Variants in STARD8 observed in about 807,000 individuals in gnomAD.
STARD8 encodes StAR related lipid transfer domain containing 8, also known as stAR-related lipid transfer protein 8.
STARD8 carries 25 observed loss-of-function variants against 69.4 expected under a neutral mutation model. The ratio of observed to expected loss-of-function variants is 0.36; its 90% CI spans 0.26 to 0.50. STARD8 has a LOEUF of 0.50. STARD8 is among the 20% of genes least tolerant of loss of function. The probability of loss-of-function intolerance (pLI) is 0.96; values close to 1 mark genes in which losing one functional copy is unlikely to be tolerated. For missense variants in STARD8, 921 were observed against 932.5 expected (o/e 0.99, Z 0.16); for synonymous variants, 389 against 374.6 (o/e 1.04, Z -0.45).
chrX:68,648,778 G>A (rs996768960), intron 1 of STARD8, among the ~76,000 whole-genome samples: 2 of 111,824 alleles, frequency 1.8e-5, no homozygotes, highest in East Asian at 2.8e-4. Context: ...GAGCACAGCC[G>A]AACCCACAAG....
chrX:68,716,498 A>G lies in STARD8; in HGVS notation c.297+67A>G. The G allele has an allele frequency of 5.5e-6, 6 of 1,090,023 alleles. No homozygotes were observed. The East Asian group carries it at 1.8e-4, about 33-fold the overall frequency. 89.8% of individuals were successfully genotyped at this position (1,090,023 alleles called of 1,213,427 possible). On this transcript the variant is annotated intron_variant, in intron 5 of 14. Coordinates refer to ENST00000374599, the MANE Select transcript of STARD8 (RefSeq NM_001142503.3). ...ATAAGGAAACCCAGGGCATACGTAA[A>G]CCATTTGTAAAACTAGCTCCAGTAT...
At chrX:68,714,663 AT>A (rs755070068) in intron 3 of STARD8, among the ~76,000 whole-genome samples, 3 of 112,537 alleles carry the variant, frequency 2.7e-5, no homozygotes, top group Non-Finnish European at 5.6e-5. Flanking sequence ...TGTATGCTGT[AT>A]GGTTTGCTCA....
intron 2 of STARD8, among the ~76,000 whole-genome samples, chrX:68,702,518 A>G (rs1325117215): frequency 8.9e-6 from 1 of 111,754 alleles, no homozygotes; most frequent in Non-Finnish European, 1.9e-5. Flanking sequence ...CAGGCTAACC[A>G]CTCTTACTAC....
At chrX:68,693,123 A>G (rs771242211) in intron 2 of STARD8, among the ~76,000 whole-genome samples, 1 of 112,747 alleles carries the variant, frequency 8.9e-6, no homozygotes, top group East Asian at 2.8e-4. Context: ...CTGCGGAGGT[A>G]GAGTTCAGAC....
rs149818309 is a variant in STARD8 at position 68,689,615 on chromosome X, G to C, written c.80-23299G>C. 9.4e-3 allele frequency among the ~76,000 whole-genome samples: 1,061 copies of C among 112,581 alleles called. 14 individuals carry two copies. Among genetic ancestry groups the C allele is most frequent in the African/African-American group, 0.032 (994 of 31,000 alleles). On this transcript the variant is annotated intron_variant, in intron 2 of 14. Transcript: ENST00000374599. Reference sequence around the variant, plus strand: ...ACACCTGTATGTCTGAGCTTAGGGAGGGCAAGGGCAGAGAGGTTAGGTGAC... The same window carrying C: ...ACACCTGTATGTCTGAGCTTAGGGACGGCAAGGGCAGAGAGGTTAGGTGAC...
intron 2 of STARD8, among the ~76,000 whole-genome samples, chrX:68,703,250 G>T (rs1251683444): frequency 8.9e-6 from 1 of 111,802 alleles, no homozygotes. Context: ...ACAGAGTGAG[G>T]CCTCATTTTA....
chrX:68,647,734 G>A lies in STARD8; in HGVS notation c.-149G>A, dbSNP rs1022281674. ...TGAGCCCCGGCAACCGCTGCTCTCC[G>A]CCTCTCCCCTCGCGGGGCCGGCTCA... On this transcript the variant is annotated 5_prime_UTR_variant, in exon 1 of 15. Coordinates refer to ENST00000374599, the MANE Select transcript of STARD8 (RefSeq NM_001142503.3). 154 of 731,925 alleles carry A rather than the reference G, an allele frequency of 2.1e-4. No homozygotes were observed. The Middle Eastern group carries it at 3.9e-3, about 18-fold the overall frequency. 60.3% of individuals were successfully genotyped at this position (731,925 alleles called of 1,213,427 possible). A position where few individuals can be genotyped will look rare whatever the true frequency, so the allele number is the denominator to read the frequency against.
intron 1 of STARD8, among the ~76,000 whole-genome samples, chrX:68,653,269 ACAC>A (rs2079579505): frequency 1.6e-5 from 1 of 64,019 alleles, no homozygotes. Flanking sequence ...CACACACCAC[ACAC>A]CACACCACAC....
intron 5 of STARD8, among the ~76,000 whole-genome samples, chrX:68,716,995 T>A (rs1276868289): frequency 1.3e-4 from 15 of 111,570 alleles, no homozygotes; most frequent in Admixed American, 3.8e-4. Context: ...ATTAATTAGT[T>A]GACCATTACC....
intron 2 of STARD8, among the ~76,000 whole-genome samples, chrX:68,685,410 A>T (rs2079825352): frequency 9.0e-6 from 1 of 111,567 alleles, no homozygotes; most frequent in African/African-American, 3.3e-5. Flanking sequence ...TTTTGGCCTT[A>T]TCTCCATTGA....
At position 68,724,856 on chromosome X, in the gene STARD8, G is replaced by T. The variant is rs1309278778; in HGVS notation, c.*434G>T. On this transcript the variant is annotated 3_prime_UTR_variant, in exon 15 of 15. Coordinates refer to ENST00000374599, the MANE Select transcript of STARD8 (RefSeq NM_001142503.3). ...TGCTGCAAGGATGCTTTTGAGGTTGGACAGGAGGTTCTGGTCCTGCCTTTG... is the reference window on the plus strand; with the variant it reads ...TGCTGCAAGGATGCTTTTGAGGTTGTACAGGAGGTTCTGGTCCTGCCTTTG... The T allele has an allele frequency of 8.2e-6, 1 of 122,273 alleles. No individual in the cohort carries two copies. Among genetic ancestry groups the T allele is most frequent in the East Asian group, 2.6e-4 (1 of 3,869 alleles). 10.1% of individuals were successfully genotyped at this position (122,273 alleles called of 1,213,427 possible).
intron 1 of STARD8, among the ~76,000 whole-genome samples, chrX:68,652,806 A>C (rs1285192688): frequency 2.6e-5 from 1 of 37,980 alleles, no homozygotes; most frequent in Non-Finnish European, 4.9e-5. Context: ...ACCACACACC[A>C]CACACACACC....
At chrX:68,716,644 TC>T in intron 5 of STARD8, among the ~76,000 whole-genome samples, 1 of 110,909 alleles carries the variant, frequency 9.0e-6, no homozygotes. Flanking sequence ...TCTGGGGCTT[TC>T]TATACCAGAG....
intron 2 of STARD8, among the ~76,000 whole-genome samples, chrX:68,682,092 G>A (rs939747576): frequency 3.0e-4 from 32 of 108,248 alleles, no homozygotes; most frequent in African/African-American, 1.0e-3. Context: ...TCCGCCTCCC[G>A]GTTTCAAGTG....
intron 1 of STARD8, chrX:68,656,089 G>A (rs2147872833): frequency 8.9e-6 from 1 of 111,904 alleles, no homozygotes; most frequent in South Asian, 3.7e-4. Flanking sequence ...ATTTGTCTGT[G>A]GGAGTTTGAA....
intron 1 of STARD8, 29 bp from the exon 2 acceptor site, chrX:68,665,470 C>T (rs891065916): frequency 8.3e-7 from 1 of 1,201,150 alleles, no homozygotes. Flanking sequence ...CTCTGCAATG[C>T]CTTGACTTCT....
chrX:68,706,131 C>G (rs754249161), intron 2 of STARD8, among the ~76,000 whole-genome samples: 2 of 112,001 alleles, frequency 1.8e-5, no homozygotes, highest in Admixed American at 1.9e-4. Context: ...CGGCCAAGAC[C>G]GAGGCTGGCA....
At position 68,688,137 on chromosome X, in the gene STARD8, G is replaced by A. The variant is rs764244408; in HGVS notation, c.79+22605G>A. 2.7e-5 allele frequency among the ~76,000 whole-genome samples: 3 copies of A among 112,500 alleles called. No homozygotes were observed. In the South Asian group the frequency reaches 1.1e-3, roughly 41 times the overall value. On this transcript the variant is annotated intron_variant, in intron 2 of 14. Transcript: ENST00000374599. ...GTATGTATGGAGGGGAAAGGGGGGAGCTGTGCTTGAGGAAAGGCCTGTTGA... is the reference window on the plus strand; with the variant it reads ...GTATGTATGGAGGGGAAAGGGGGGAACTGTGCTTGAGGAAAGGCCTGTTGA...
intron 2 of STARD8, among the ~76,000 whole-genome samples, chrX:68,674,034 C>T (rs1226023896): frequency 2.7e-5 from 3 of 111,551 alleles, no homozygotes; most frequent in African/African-American, 9.8e-5. Context: ...TGGCTCACAC[C>T]TGTAATCCCA....
Sources: gnomAD v4.1 joint callset for allele counts (sites outside exome capture counted in the v4.1 genomes callset) on GRCh38, gnomAD v4.1.1 for gene constraint, MANE v1.5 for transcripts, NCBI Gene and HGNC (gene_info 2026-07-23, HGNC 2026-07-21) for gene names.